SV2C: variants seen among roughly 807,000 people sequenced by gnomAD.
The protein encoded by SV2C is synaptic vesicle glycoprotein 2C.
In SV2C, 49 loss-of-function variants were observed where a neutral mutation model predicts 79.7. The ratio of observed to expected loss-of-function variants is 0.61; its 90% CI spans 0.49 to 0.78. The LOEUF is 0.78. Ranked by LOEUF, SV2C falls within the 30% of genes least tolerant of loss-of-function variation. The pLI, the probability that SV2C is intolerant of heterozygous loss-of-function variation, is 0.00. For synonymous variants in SV2C, 334 were observed against 333.2 expected, an observed-to-expected ratio of 1.00 and a Z score of -0.03; for missense variants, 833 against 912.9, an observed-to-expected ratio of 0.91 and a Z score of 1.13.
chr5:75,943,026 G>A, the SV2C span, among the ~76,000 whole-genome samples: 2 of 152,088 alleles, frequency 1.3e-5, no homozygotes, highest in Non-Finnish European at 2.9e-5. Context: ...AAATAAATAA[G>A]CAAATGCCTG....
At chr5:76,073,540 T>TAC in the SV2C span, among the ~76,000 whole-genome samples, 2 of 120,280 alleles carry the variant, frequency 1.7e-5, no homozygotes, top group African/African-American at 3.3e-5. Flanking sequence ...TATATATATA[T>TAC]ATATACACCA....
intron 12 of SV2C, among the ~76,000 whole-genome samples, chr5:76,351,845 A>G (rs1308546096): frequency 6.6e-6 from 1 of 152,206 alleles, no homozygotes; most frequent in African/African-American, 2.4e-5. Flanking sequence ...AGCTCAGTGC[A>G]TGCAAATAGT....
At position 76,165,888 on chromosome 5, in the gene SV2C, G is replaced by A. The variant is rs577959045; in HGVS notation, c.581-29031G>A. On this transcript the variant is annotated intron_variant, in intron 2 of 12. Coordinates refer to ENST00000502798, the MANE Select transcript of SV2C (RefSeq NM_014979.4). ...GAGTGGAAAGCAGGAACTGAATTGA[G>A]ATTGAGAGTGAGAGAGGTGAGGCCA... Among the ~76,000 whole-genome samples the A allele has an allele frequency of 5.9e-5, 9 of 152,268 alleles. No homozygotes were observed. The South Asian group carries it at 1.9e-3, about 32-fold the overall frequency.
At chr5:75,877,951 A>G in the SV2C span, among the ~76,000 whole-genome samples, 559 of 127,168 alleles carry the variant, frequency 4.4e-3, 5 homozygotes, top group African/African-American at 0.015. Context: ...AAAAAAAAAA[A>G]AAACAAGTTT....
intron 4 of SV2C, among the ~76,000 whole-genome samples, chr5:76,231,137 A>C (rs28508282): frequency 0.32 from 47,943 of 152,002 alleles, 8,077 homozygotes; most frequent in Non-Finnish European, 0.37. Flanking sequence ...CCCCCTCGTC[A>C]GTTCAGTTGT....
chr5:75,906,355 A>G, the SV2C span, among the ~76,000 whole-genome samples: 1 of 152,086 alleles, frequency 6.6e-6, no homozygotes, highest in South Asian at 2.1e-4. Flanking sequence ...TGTGTCCCAC[A>G]CTGTGCTAAA....
chr5:76,137,956 A>C (rs954017782), intron 2 of SV2C, among the ~76,000 whole-genome samples: 1 of 152,190 alleles, frequency 6.6e-6, no homozygotes, highest in Admixed American at 6.5e-5. Context: ...AAAAATTTTA[A>C]TATCTTATCT....
At chr5:75,920,977 C>T in the SV2C span, 10 of 713,298 alleles carry the variant, frequency 1.4e-5, no homozygotes, top group Non-Finnish European at 2.6e-5. Flanking sequence ...GGTGATGCTC[C>T]AGTGCTGTGT....
the SV2C span, among the ~76,000 whole-genome samples, chr5:76,058,877 G>A: frequency 1.5e-4 from 23 of 151,898 alleles, 1 homozygote; most frequent in East Asian, 1.2e-3. Context: ...ATGATCTTTC[G>A]CATTTATTCA....
At chr5:76,086,666 A>G (rs1747210943) in intron 1 of SV2C, among the ~76,000 whole-genome samples, 1 of 152,182 alleles carries the variant, frequency 6.6e-6, no homozygotes, top group African/African-American at 2.4e-5. Context: ...CAACATTGCC[A>G]CATTGTTTTC....
intron 1 of SV2C, among the ~76,000 whole-genome samples, chr5:76,126,678 A>G (rs1748715244): frequency 6.6e-6 from 1 of 152,204 alleles, no homozygotes; most frequent in Non-Finnish European, 1.5e-5. Flanking sequence ...CCTCTGCCCA[A>G]TCCCAGCACA....
chr5:76,289,316 G>A (rs1272168747), intron 6 of SV2C, among the ~76,000 whole-genome samples: 1 of 152,046 alleles, frequency 6.6e-6, no homozygotes, highest in African/African-American at 2.4e-5. Flanking sequence ...GCTATTTCCT[G>A]CATGTATCCT....
At chr5:76,036,168 A>G in the SV2C span, among the ~76,000 whole-genome samples, 1 of 151,952 alleles carries the variant, frequency 6.6e-6, no homozygotes, top group African/African-American at 2.4e-5. Flanking sequence ...TCCTGAATAC[A>G]GCACACTGAT....
chr5:75,910,902 C>A, the SV2C span: 1 of 973,260 alleles, frequency 1.0e-6, no homozygotes, highest in Non-Finnish European at 1.7e-6. Context: ...AAGCAACATT[C>A]CAACAAAGTC....
chr5:76,079,739 T>C, upstream of SV2C: 1 of 273,006 alleles, frequency 3.7e-6, no homozygotes, highest in Non-Finnish European at 7.5e-6. Flanking sequence ...GTGGGTATTT[T>C]ACGCTGTCTG....
the SV2C span, among the ~76,000 whole-genome samples, chr5:76,068,412 A>T: frequency 2.0e-5 from 3 of 152,104 alleles, no homozygotes; most frequent in African/African-American, 4.8e-5. Flanking sequence ...ACTCTTTTTT[A>T]AAAAATATAT....
At chr5:76,179,347 T>G (rs1266854956) in intron 2 of SV2C, among the ~76,000 whole-genome samples, 1 of 152,222 alleles carries the variant, frequency 6.6e-6, no homozygotes, top group Non-Finnish European at 1.5e-5. Flanking sequence ...TATCTTAGGT[T>G]TCAGAGCAGA....
intron 4 of SV2C, among the ~76,000 whole-genome samples, chr5:76,233,723 T>C (rs1745514979): frequency 6.6e-6 from 1 of 151,184 alleles, no homozygotes; most frequent in Admixed American, 6.6e-5. Context: ...TTTGGCTCTG[T>C]TTATATGCTG....
At chr5:76,241,599 TGACTAG>T (rs1233518391) in intron 4 of SV2C, among the ~76,000 whole-genome samples, 1 of 151,734 alleles carries the variant, frequency 6.6e-6, no homozygotes, top group Admixed American at 6.5e-5. Context: ...TGGTAACCAA[TGACTAG>T]GGGTCAGGTC....
Sources: allele counts gnomAD v4.1 joint callset (sites outside exome capture counted in the v4.1 genomes callset), GRCh38; gene constraint gnomAD v4.1.1; transcripts MANE v1.5; gene names NCBI Gene and HGNC (gene_info 2026-07-23, HGNC 2026-07-21).